The following FGF12 variants were observed in gnomAD, a reference collection of about 807,000 sequenced individuals.
The protein encoded by FGF12 is fibroblast growth factor 12, also known as fibroblast growth factor 12B.
FGF12 carries 14 observed loss-of-function variants against 23.6 expected under a neutral mutation model. The observed-to-expected ratio is 0.59, with a 90% CI of 0.39 to 0.93. FGF12 has a LOEUF of 0.93. Among genes scored for constraint, FGF12 ranks in the 40% least tolerant of loss-of-function variants. FGF12 has a pLI of 0.00. For missense variants in FGF12, 175 were observed against 217.8 expected, an observed-to-expected ratio of 0.80 and a Z score of 1.24; for synonymous variants, 62 against 77.3, an observed-to-expected ratio of 0.80 and a Z score of 1.04.
intron 5 of FGF12, among the ~76,000 whole-genome samples, chr3:192,147,550 T>C (rs1210284678): frequency 6.6e-6 from 1 of 152,180 alleles, no homozygotes; most frequent in Admixed American, 6.5e-5. Context: ...ATGATGTATA[T>C]AGCAGCCTCA....
intron 2 of FGF12, among the ~76,000 whole-genome samples, chr3:192,478,633 TCA>T (rs755156527): frequency 2.0e-5 from 3 of 152,196 alleles, no homozygotes; most frequent in Non-Finnish European, 2.9e-5. Flanking sequence ...TTAATCATTT[TCA>T]GTTTTCTTGT....
At chr3:192,301,776 T>C (rs1319425725) in intron 4 of FGF12, among the ~76,000 whole-genome samples, 1 of 152,022 alleles carries the variant, frequency 6.6e-6, no homozygotes, top group East Asian at 1.9e-4. Context: ...ACTGCAGAAA[T>C]TGGGTAGATT....
At chr3:192,406,699 C>A (rs1720970957) in intron 2 of FGF12, among the ~76,000 whole-genome samples, 1 of 152,074 alleles carries the variant, frequency 6.6e-6, no homozygotes, top group African/African-American at 2.4e-5. Context: ...AGAAAATGAG[C>A]CTAGTATGGA....
intron 2 of FGF12, among the ~76,000 whole-genome samples, chr3:192,431,071 G>A (rs1171537223): frequency 6.6e-6 from 1 of 152,126 alleles, no homozygotes; most frequent in Non-Finnish European, 1.5e-5. Flanking sequence ...TATCCTGTAA[G>A]CCAAAGGAAT....
At chr3:192,163,640 ACAT>A (rs1243874442) in intron 5 of FGF12, among the ~76,000 whole-genome samples, 3 of 152,168 alleles carry the variant, frequency 2.0e-5, no homozygotes, top group Non-Finnish European at 4.4e-5. Flanking sequence ...TAGGTTTCAA[ACAT>A]CAGATCACTT....
At chr3:192,364,857 A>G (rs1718897701) in intron 2 of FGF12, among the ~76,000 whole-genome samples, 1 of 152,168 alleles carries the variant, frequency 6.6e-6, no homozygotes, top group Non-Finnish European at 1.5e-5. Flanking sequence ...GGAGAGAGTA[A>G]TATTATGGTG....
chr3:192,609,864 TCAAA>T (rs1249512016), intron 2 of FGF12, among the ~76,000 whole-genome samples: 2 of 152,062 alleles, frequency 1.3e-5, no homozygotes, highest in African/African-American at 4.8e-5. Context: ...TTGACTTGGT[TCAAA>T]CAGACGTAGA....
At chr3:192,157,212 CA>C (rs1432515117) in intron 5 of FGF12, among the ~76,000 whole-genome samples, 1 of 152,178 alleles carries the variant, frequency 6.6e-6, no homozygotes, top group Non-Finnish European at 1.5e-5. Flanking sequence ...TGACCCAGCA[CA>C]GTGAAGGTTT....
intron 2 of FGF12, among the ~76,000 whole-genome samples, chr3:192,669,226 T>A (rs1252816857): frequency 1.3e-5 from 2 of 152,102 alleles, no homozygotes; most frequent in Non-Finnish European, 2.9e-5. Flanking sequence ...ATAGAAGAGA[T>A]GTTATTATGG....
At chr3:192,493,606 G>A (rs927805212) in intron 2 of FGF12, among the ~76,000 whole-genome samples, 8 of 152,126 alleles carry the variant, frequency 5.3e-5, no homozygotes, top group Non-Finnish European at 8.8e-5. Flanking sequence ...CAGGAAGCAC[G>A]ATGCTGGCAT....
chr3:192,248,455 G>C (rs1711784773), intron 4 of FGF12, among the ~76,000 whole-genome samples: 1 of 152,082 alleles, frequency 6.6e-6, no homozygotes, highest in African/African-American at 2.4e-5. Context: ...ACATTCTCTG[G>C]CATGTGGCTT....
At chr3:192,662,758 T>A (rs1296253493) in intron 2 of FGF12, among the ~76,000 whole-genome samples, 2 of 152,246 alleles carry the variant, frequency 1.3e-5, no homozygotes, top group Non-Finnish European at 2.9e-5. Context: ...ACATTTTCCC[T>A]TATTTCATTT....
At chr3:192,595,339 C>G (rs926090384) in intron 2 of FGF12, among the ~76,000 whole-genome samples, 1 of 152,248 alleles carries the variant, frequency 6.6e-6, no homozygotes, top group Non-Finnish European at 1.5e-5. Flanking sequence ...TAATCACTAG[C>G]TGCTCCCATT....
At chr3:192,294,953 T>G (rs1714950959) in intron 4 of FGF12, among the ~76,000 whole-genome samples, 1 of 152,154 alleles carries the variant, frequency 6.6e-6, no homozygotes, top group South Asian at 2.1e-4. Flanking sequence ...CATAAGACCC[T>G]AACTTAAAAT....
intron 2 of FGF12, among the ~76,000 whole-genome samples, chr3:192,427,380 GAAA>G (rs11359837): frequency 2.8e-5 from 4 of 141,636 alleles, no homozygotes; most frequent in African/African-American, 2.6e-5. Flanking sequence ...CTCCGTCTCT[GAAA>G]AAAAAAAAAA....
chr3:192,167,763 AT>A (rs1560175706), intron 5 of FGF12, among the ~76,000 whole-genome samples: 1,111 of 32,176 alleles, frequency 0.035, 133 homozygotes, highest in African/African-American at 0.13. Context: ...ATATATATAT[AT>A]ATATAAAATT....
At chr3:192,328,965 A>G (rs560608692) in intron 4 of FGF12, among the ~76,000 whole-genome samples, 3 of 152,206 alleles carry the variant, frequency 2.0e-5, no homozygotes, top group Non-Finnish European at 2.9e-5. Context: ...AAGACTACCA[A>G]TTAAACTTTG....
At chr3:192,237,983 T>C (rs1719388550) in intron 4 of FGF12, 1 of 152,322 alleles carries the variant, frequency 6.6e-6, no homozygotes. Flanking sequence ...AGCTGCTGTC[T>C]TTTGGATGGG....
chr3:192,653,071 G>A (rs1329230639), intron 2 of FGF12, among the ~76,000 whole-genome samples: 4 of 152,080 alleles, frequency 2.6e-5, no homozygotes, highest in Admixed American at 6.5e-5. Flanking sequence ...ATCATATTTC[G>A]AATGGTGCAC....
Sources: gnomAD v4.1 joint callset for allele counts (sites outside exome capture counted in the v4.1 genomes callset) on GRCh38, gnomAD v4.1.1 for gene constraint, MANE v1.5 for transcripts, NCBI Gene and HGNC (gene_info 2026-07-23, HGNC 2026-07-21) for gene names.